The following CHFR variants were observed in gnomAD, a reference collection of about 807,000 sequenced individuals.
CHFR encodes checkpoint with forkhead and ring finger domains, also known as E3 ubiquitin-protein ligase CHFR.
CHFR carries 57 observed loss-of-function variants against 87.6 expected under a neutral mutation model. That is an observed-to-expected ratio of 0.65 (90% CI 0.53 to 0.81). The LOEUF (loss-of-function observed/expected upper bound fraction) is 0.81, where lower values mean the gene tolerates loss of function less well. Among genes scored for constraint, CHFR ranks in the 30% least tolerant of loss-of-function variants. CHFR has a pLI of 0.00. For synonymous variants in CHFR, 381 were observed against 359.2 expected (o/e 1.06, Z -0.69); for missense variants, 797 against 865.8 (o/e 0.92, Z 1.00).
At chr12:132,868,478 G>GCTGACAGAGCGA (rs1566195023) in intron 6 of CHFR, among the ~76,000 whole-genome samples, 1 of 148,956 alleles carries the variant, frequency 6.7e-6, no homozygotes. Context: ...CTCCAGCCTG[G>GCTGACAGAGCGA]GTGACAGAGC....
chr12:132,843,075 T>G lies in CHFR; in HGVS notation c.1852A>C (p.Thr618Pro). The G allele has an allele frequency of 6.2e-7, 1 of 1,613,130 alleles. No individual in the cohort carries two copies. Among genetic ancestry groups the G allele is most frequent in the Admixed American group, 1.7e-5 (1 of 59,908 alleles). The part of the protein sequence containing the change: ...IPASELPVAV[T>P]SRPDCYWGRN... ...CCCCAGTAGCAGTCAGGACGGGATG[T>G]TACGGCCACTGGAAAAAGAGAAGGG... is the stretch of plus-strand genomic sequence containing the variant. The change falls in exon 17 of 18, where the codon ACA becomes CCA. Residue 618 changes from threonine (T) to proline (P), a missense_variant. Around this residue, in one of 2 missense-constraint regions of CHFR, gnomAD observed 200 missense variants for 264.6 expected, o/e 0.76. Coordinates refer to ENST00000450056, the MANE Select transcript of CHFR (RefSeq NM_001161346.2).
intron 12 of CHFR, among the ~76,000 whole-genome samples, chr12:132,850,815 C>T (rs1950922530): frequency 6.6e-6 from 1 of 151,912 alleles, no homozygotes; most frequent in Non-Finnish European, 1.5e-5. Flanking sequence ...CTTTCTTCAC[C>T]TAACACTTTC....
At chr12:132,881,956 C>A (rs1951779301) in intron 2 of CHFR, among the ~76,000 whole-genome samples, 1 of 151,788 alleles carries the variant, frequency 6.6e-6, no homozygotes, top group African/African-American at 2.4e-5. Flanking sequence ...TGCTGTGGGA[C>A]TGCAAAATGG....
chr12:132,847,870 GA>G, intron 14 of CHFR: 2 of 1,407,270 alleles, frequency 1.4e-6, no homozygotes, highest in Non-Finnish European at 1.8e-6. Context: ...GCACAAAAAC[GA>G]AATACCTATT....
intron 2 of CHFR, among the ~76,000 whole-genome samples, chr12:132,880,069 T>G (rs144115179): frequency 6.6e-6 from 1 of 152,336 alleles, no homozygotes; most frequent in East Asian, 1.9e-4. Flanking sequence ...ACAAGCTGAT[T>G]CTAAAGTTCA....
At position 132,848,722 on chromosome 12, in the gene CHFR, C is replaced by T. The variant is rs372012714; in HGVS notation, c.1495G>A (p.Ala499Thr). 8.9e-6 allele frequency: 14 copies of T among 1,581,234 alleles called. No homozygotes were observed. The highest frequency in any genetic ancestry group is 1.0e-5 in the Non-Finnish European group (12 of 1,163,642). ...TGGCAGAAAGGCTGCAGGCAGACCG[C>T]ACCTGTGGAGAGAGGACACTCGTTA... Reference protein sequence around the residue: ...QDPRVAPQQCAVCLQPFCHLY... With the variant: ...QDPRVAPQQCTVCLQPFCHLY... Residue 499 changes from alanine (A) to threonine (T), a missense_variant and splice_region_variant, in exon 13 of 18, where the codon GCG becomes ACG. Transcript: ENST00000450056.
chr12:132,860,315 T>C (rs751524285), intron 7 of CHFR, among the ~76,000 whole-genome samples: 3 of 152,220 alleles, frequency 2.0e-5, no homozygotes, highest in Non-Finnish European at 2.9e-5. Flanking sequence ...CATTAGTTCA[T>C]GATACTGTAT....
chr12:132,849,098 C>G (rs959940528), intron 12 of CHFR: 5 of 178,900 alleles, frequency 2.8e-5, no homozygotes, highest in African/African-American at 9.5e-5. Context: ...AGGTGCACAC[C>G]ACCAGGCCCG....
Position 132,848,637 on chromosome 12 carries a change from T to C in CHFR, c.1576+4A>G, listed in dbSNP as rs1412950249. 1.9e-6 allele frequency: 3 copies of C among 1,587,782 alleles called. No individual in the cohort carries two copies. Among genetic ancestry groups the C allele is most frequent in the African/African-American group, 2.7e-5 (2 of 74,396 alleles). ...GCAACTGGGGCCTGAAGAGCCAGTATTACCACAAAACGGGGCCAGGCAGCC... is the reference window on the plus strand; with the variant it reads ...GCAACTGGGGCCTGAAGAGCCAGTACTACCACAAAACGGGGCCAGGCAGCC... On this transcript the variant is annotated splice_donor_region_variant and intron_variant, in intron 13 of 17. Transcript: ENST00000450056.
intron 9 of CHFR, among the ~76,000 whole-genome samples, chr12:132,857,018 T>TGCTGGTGGAGGGACCACCCTCACGTGCCC (rs1951089948): frequency 1.4e-5 from 1 of 71,904 alleles, no homozygotes; most frequent in African/African-American, 6.7e-5. Context: ...CTCACGTGCC[T>TGCTGGTGGAGGGACCACCCTCACGTGCCC]GGGTGCTGGT....
intron 2 of CHFR, among the ~76,000 whole-genome samples, chr12:132,884,196 A>T (rs946035132): frequency 6.6e-6 from 1 of 151,634 alleles, no homozygotes; most frequent in East Asian, 1.9e-4. Context: ...AGGCGGGTGG[A>T]TCACCTGAGG....
Position 132,869,697 on chromosome 12 carries a change from T to A in CHFR, c.505A>T (p.Thr169Ser). ...GAGGCTGTGGGGAAGAGGTCTGACGTCGATGTTGATGGCTGTGGTTCCTCA... is the reference window on the plus strand; with the variant it reads ...GAGGCTGTGGGGAAGAGGTCTGACGACGATGTTGATGGCTGTGGTTCCTCA... ...CFEEPQPSTS[T>S]SDLFPTASAS... The change falls in exon 6 of 18, where the codon ACG (threonine) becomes TCG (serine). Residue 169 changes from threonine (T) to serine (S), a missense_variant. Around this residue, in one of 2 missense-constraint regions of CHFR, gnomAD observed 597 missense variants for 601.2 expected, o/e 0.99. Coordinates refer to ENST00000450056, the MANE Select transcript of CHFR (RefSeq NM_001161346.2). 6.4e-7 allele frequency: 1 copy of A among 1,551,600 alleles called. No individual in the cohort carries two copies.
chr12:132,887,126 C>T (rs1951914683), intron 2 of CHFR, 70 bp downstream of exon 2: 1 of 1,324,776 alleles, frequency 7.5e-7, no homozygotes, highest in Non-Finnish European at 9.8e-7. Flanking sequence ...GCACCGCCGC[C>T]CGTGTGGCCT....
intron 3 of CHFR, among the ~76,000 whole-genome samples, chr12:132,876,651 TC>T (rs550623249): frequency 8.7e-4 from 132 of 152,354 alleles, no homozygotes; most frequent in Non-Finnish European, 1.3e-3. Context: ...AAGTCTTATT[TC>T]TGAGACATAC....
intron 14 of CHFR, chr12:132,847,861 C>A: frequency 7.2e-7 from 1 of 1,389,812 alleles, no homozygotes. Flanking sequence ...TGGCAGGAGG[C>A]ACAAAAACGA....
chr12:132,851,958 G>A (rs1950956456), intron 11 of CHFR, among the ~76,000 whole-genome samples: 1 of 151,878 alleles, frequency 6.6e-6, no homozygotes. Flanking sequence ...TTAGCAGCTG[G>A]AGCAAGATTT....
In CHFR at chr12:132,833,026, C is replaced by T. The variant is rs1183773076; in HGVS notation, c.*8528G>A. The T allele has an allele frequency of 1.3e-5, 2 of 152,232 alleles. No individual in the cohort carries two copies. Among genetic ancestry groups the T allele is most frequent in the East Asian group, 3.8e-4 (2 of 5,196 alleles). The allele number at this position is 152,232 out of a possible 1,614,324, so 9.4% of individuals were successfully genotyped here. On this transcript the variant is annotated 3_prime_UTR_variant, in exon 18 of 18. Coordinates refer to ENST00000450056, the MANE Select transcript of CHFR (RefSeq NM_001161346.2). ...TGTGGCCTTCTGTGACGCCTTTTCACTTGCATGGTGTGTTTAAGGTCCATC... is the reference window on the plus strand; with the variant it reads ...TGTGGCCTTCTGTGACGCCTTTTCATTTGCATGGTGTGTTTAAGGTCCATC...
At chr12:132,885,729 T>C (rs1416081718) in intron 2 of CHFR, among the ~76,000 whole-genome samples, 1 of 152,202 alleles carries the variant, frequency 6.6e-6, no homozygotes, top group Non-Finnish European at 1.5e-5. Flanking sequence ...TATGATCTCA[T>C]TAACTCCTCA....
chr12:132,843,965 G>T, intron 16 of CHFR, 62 bp downstream of exon 16: 1 of 1,036,728 alleles, frequency 9.6e-7, no homozygotes, highest in Non-Finnish European at 1.5e-6. Context: ...AAAAAGAGAG[G>T]CAGAAGCCAA....
Sources: allele counts gnomAD v4.1 joint callset (sites outside exome capture counted in the v4.1 genomes callset), GRCh38; gene constraint gnomAD v4.1.1; regional missense constraint gnomAD v4.1.1; transcripts MANE v1.5; gene names NCBI Gene and HGNC (gene_info 2026-07-23, HGNC 2026-07-21).